CDH19: variants seen among roughly 807,000 people sequenced by gnomAD.
The protein encoded by CDH19 is cadherin 19, also known as cadherin-19.
Under a neutral mutation model 64.2 loss-of-function variants are expected in CDH19, and 67 were observed. That is an observed-to-expected ratio of 1.04 (90% CI 0.86 to 1.28). CDH19 has a LOEUF of 1.28. Among genes scored for constraint, CDH19 ranks in the 50% most tolerant of loss-of-function variants. The probability of loss-of-function intolerance (pLI) is 0.00; values close to 1 mark genes in which losing one functional copy is unlikely to be tolerated. For missense variants in CDH19, 1,030 were observed against 929.0 expected, an observed-to-expected ratio of 1.11 and a Z score of -1.41; for synonymous variants, 346 against 319.3, an observed-to-expected ratio of 1.08 and a Z score of -0.89.
At chr18:66,576,602 TAATAAC>T (rs1277592478) in intron 1 of CDH19, among the ~76,000 whole-genome samples, 1 of 151,522 alleles carries the variant, frequency 6.6e-6, no homozygotes, top group Non-Finnish European at 1.5e-5. Flanking sequence ...TTTATACACT[TAATAAC>T]AATGCCTCAA....
Position 66,551,117 on chromosome 18 carries a change from T to C in CDH19, c.752A>G (p.Asp251Gly). The change falls in exon 5 of 12, where the codon GAC becomes GGC. Residue 251 changes from aspartate (D) to glycine (G), a missense_variant. By Grantham distance (94) the Asp-to-Gly change is moderately conservative. Coordinates refer to ENST00000262150, the MANE Select transcript of CDH19 (RefSeq NM_021153.4). ...SVLIKLSDVN[D>G]NKPIFKESLY... is the part of the protein sequence containing the mutation. ...ACTTTCTTTAAATATAGGCTTATTG[T>C]CATTAACATCTGAAAGTTTAATTAA... 12 of 1,599,758 alleles carry C rather than the reference T, an allele frequency of 7.5e-6. No homozygotes were observed. The highest frequency in any genetic ancestry group is 1.0e-5 in the Non-Finnish European group (12 of 1,168,144).
intron 1 of CDH19, among the ~76,000 whole-genome samples, chr18:66,589,675 G>A (rs1988685966): frequency 6.9e-6 from 1 of 144,314 alleles, no homozygotes. Flanking sequence ...ATTTTGTTAT[G>A]GAAAAGATAT....
chr18:66,522,959 T>C (rs1393982649), intron 9 of CDH19, among the ~76,000 whole-genome samples: 1 of 151,762 alleles, frequency 6.6e-6, no homozygotes, highest in African/African-American at 2.4e-5. Flanking sequence ...TCCTAAAACA[T>C]TAATTTATAA....
Position 66,571,842 on chromosome 18 carries a change from T to C in CDH19, c.195+168A>G, listed in dbSNP as rs531307445. 5.9e-5 allele frequency among the ~76,000 whole-genome samples: 9 copies of C among 151,796 alleles called. No homozygotes were observed. The South Asian group carries it at 1.7e-3, about 28-fold the overall frequency. ...GAGCTATCCCTCTTCAAGATTTTAG[T>C]GGATGTTTTAGGTGCTTGCAAATCT... On this transcript the variant is annotated intron_variant, in intron 2 of 11. Coordinates refer to ENST00000262150, the MANE Select transcript of CDH19 (RefSeq NM_021153.4).
At chr18:66,564,860 C>T (rs1599019615) in intron 3 of CDH19, among the ~76,000 whole-genome samples, 1 of 104,260 alleles carries the variant, frequency 9.6e-6, no homozygotes, top group African/African-American at 3.9e-5. Flanking sequence ...TTTTAAATGC[C>T]CCTTCTTTTT....
chr18:66,579,293 A>G (rs565814610), intron 1 of CDH19, among the ~76,000 whole-genome samples: 4 of 152,154 alleles, frequency 2.6e-5, no homozygotes, highest in African/African-American at 9.6e-5. Flanking sequence ...ATTTTACCAA[A>G]AAAAGTTGAA....
chr18:66,516,974 T>A (rs774238497), intron 9 of CDH19, among the ~76,000 whole-genome samples: 14 of 152,122 alleles, frequency 9.2e-5, no homozygotes, highest in Non-Finnish European at 1.9e-4. Flanking sequence ...TATGTCTTTT[T>A]TTCTTGCAAA....
chr18:66,596,035 T>C (rs1988878837), intron 1 of CDH19: 1 of 152,102 alleles, frequency 6.6e-6, no homozygotes, highest in Non-Finnish European at 1.5e-5. Context: ...ATGTGATTCA[T>C]AACATAAGCA....
chr18:66,601,969 A>G (rs1989047518), intron 1 of CDH19, among the ~76,000 whole-genome samples: 1 of 151,878 alleles, frequency 6.6e-6, no homozygotes. Flanking sequence ...TTCCTGTGGG[A>G]TTATTATTAC....
chr18:66,510,123 A>G lies in CDH19; in HGVS notation c.1577-877T>C, dbSNP rs1985400312. On this transcript the variant is annotated intron_variant, in intron 10 of 11. Transcript: ENST00000262150. Reference sequence around the variant, plus strand: ...TTTACCATCCCTCAAAATATTTTCTATAGTCACCAAATTTTAGAAGACAAT... The same window carrying G: ...TTTACCATCCCTCAAAATATTTTCTGTAGTCACCAAATTTTAGAAGACAAT... 3.3e-5 allele frequency among the ~76,000 whole-genome samples: 5 copies of G among 151,880 alleles called. No homozygotes were observed. The South Asian group carries it at 1.0e-3, about 31-fold the overall frequency.
chr18:66,576,673 A>C (rs906621576), intron 1 of CDH19, among the ~76,000 whole-genome samples: 1 of 151,626 alleles, frequency 6.6e-6, no homozygotes. Context: ...GAAGAAACAC[A>C]CAAATCTATA....
chr18:66,508,440 G>A (rs1030190338), intron 11 of CDH19, among the ~76,000 whole-genome samples: 2 of 151,504 alleles, frequency 1.3e-5, no homozygotes, highest in Non-Finnish European at 2.9e-5. Context: ...GTCAGTTGCA[G>A]TACAGTGTTG....
At chr18:66,560,742 G>A (rs1987689732) in intron 3 of CDH19, among the ~76,000 whole-genome samples, 1 of 151,928 alleles carries the variant, frequency 6.6e-6, no homozygotes, top group Non-Finnish European at 1.5e-5. Context: ...AGCATATTTA[G>A]GGTGCATTAT....
Position 66,597,400 on chromosome 18 carries a change from G to C in CDH19, c.-113+6554C>G, listed in dbSNP as rs570803065. 3.7e-4 allele frequency among the ~76,000 whole-genome samples: 57 copies of C among 152,074 alleles called. 1 individual carries two copies. The highest frequency in any genetic ancestry group is 1.3e-3 in the African/African-American group (53 of 41,494). ...AAGTGGTGCTGGGATAACTGGCTAG[G>C]CATATTCAGAAGATTTAAACTGGAC... On this transcript the variant is annotated intron_variant, in intron 1 of 11. Transcript: ENST00000262150.
intron 1 of CDH19, among the ~76,000 whole-genome samples, chr18:66,575,123 G>A (rs1339414277): frequency 3.3e-5 from 5 of 151,774 alleles, no homozygotes; most frequent in African/African-American, 1.2e-4. Flanking sequence ...TTTCCTCCAT[G>A]GAACAGCACT....
chr18:66,512,598 G>A (rs1262354335), intron 9 of CDH19, among the ~76,000 whole-genome samples: 2 of 151,320 alleles, frequency 1.3e-5, no homozygotes, highest in Non-Finnish European at 3.0e-5. Flanking sequence ...AAACCAATAC[G>A]ATCTGTATAT....
chr18:66,509,188 GAC>G lies in CDH19; in HGVS notation c.1633_1634del (p.Val545LeufsTer27). The G allele has an allele frequency of 6.2e-7, 1 of 1,612,594 alleles. No individual in the cohort carries two copies. On this transcript the variant is annotated frameshift_variant, in exon 11 of 12. Transcript: ENST00000262150. LOFTEE classifies it high-confidence loss of function. ...CGGCAATTAAGATGGAGATGTAGAA[GAC>G]AGGTTCTTCTTGAAGGTTAAAACCA... The part of the protein sequence containing the change: ...RTGFNLQEEP[V>X]FYISILIADN...
intron 1 of CDH19, among the ~76,000 whole-genome samples, chr18:66,590,291 T>C (rs1988705111): frequency 6.6e-6 from 1 of 151,998 alleles, no homozygotes; most frequent in Non-Finnish European, 1.5e-5. Context: ...ATGATTACTA[T>C]GCAAAGATAA....
intron 7 of CDH19, among the ~76,000 whole-genome samples, chr18:66,536,583 G>C (rs966658524): frequency 6.6e-6 from 1 of 151,702 alleles, no homozygotes; most frequent in African/African-American, 2.4e-5. Flanking sequence ...ACATCTGTTA[G>C]AATTTAGGAA....
Sources: gnomAD v4.1 joint callset for allele counts (sites outside exome capture counted in the v4.1 genomes callset) on GRCh38, gnomAD v4.1.1 for gene constraint, MANE v1.5 for transcripts, NCBI Gene and HGNC (gene_info 2026-07-23, HGNC 2026-07-21) for gene names.